PACS1: variants seen among roughly 807,000 people sequenced by gnomAD.
PACS1 encodes the protein PACS-1.
Under a neutral mutation model 115.0 loss-of-function variants are expected in PACS1, and 24 were observed. The observed-to-expected ratio is 0.21, with a 90% CI of 0.15 to 0.29. The LOEUF (loss-of-function observed/expected upper bound fraction) is 0.29. PACS1 is among the 10% of genes least tolerant of loss of function. The pLI is 1.00. For missense variants in PACS1, 838 were observed against 1,251.2 expected (o/e 0.67, Z 4.98); for synonymous variants, 453 against 504.5 (o/e 0.90, Z 1.37).
intron 10 of PACS1, among the ~76,000 whole-genome samples, chr11:66,226,710 A>T (rs1855475714): frequency 6.6e-6 from 1 of 152,128 alleles, no homozygotes; most frequent in African/African-American, 2.4e-5. Flanking sequence ...AGTCATTGGG[A>T]GGAAGTGGGA....
chr11:66,238,934 G>A, intron 20 of PACS1, 88 bp downstream of exon 20: 1 of 1,421,332 alleles, frequency 7.0e-7, no homozygotes, highest in Non-Finnish European at 9.7e-7. Flanking sequence ...GTTAAGCTCT[G>A]GATGCCCTGA....
intron 2 of PACS1, among the ~76,000 whole-genome samples, chr11:66,206,726 G>A (rs936635179): frequency 1.3e-5 from 2 of 152,116 alleles, no homozygotes; most frequent in Non-Finnish European, 2.9e-5. Flanking sequence ...GATTCCCTAC[G>A]GTGGTCACGG....
chr11:66,079,768 G>A (rs903009975), intron 1 of PACS1, among the ~76,000 whole-genome samples: 1 of 152,128 alleles, frequency 6.6e-6, no homozygotes, highest in Non-Finnish European at 1.5e-5. Flanking sequence ...GTAACTTTCC[G>A]TCATACTTAA....
At chr11:66,081,089 T>C (rs1052340991) in intron 1 of PACS1, among the ~76,000 whole-genome samples, 1 of 151,918 alleles carries the variant, frequency 6.6e-6, no homozygotes, top group African/African-American at 2.4e-5. Flanking sequence ...AAAAATTAGC[T>C]GGGCTTGGTG....
chr11:66,108,119 T>C (rs972356218), intron 1 of PACS1, among the ~76,000 whole-genome samples: 2 of 152,170 alleles, frequency 1.3e-5, no homozygotes, highest in Admixed American at 6.5e-5. Context: ...CAAAATACCA[T>C]AGAATGAGTG....
intron 7 of PACS1, chr11:66,218,614 C>G (rs1235068899): frequency 6.6e-6 from 1 of 152,424 alleles, no homozygotes; most frequent in Non-Finnish European, 1.5e-5. Context: ...GTAATCCCAG[C>G]ACTTTGGGAG....
intron 20 of PACS1, 127 bp downstream of exon 20, chr11:66,238,973 A>G (rs1005311283): frequency 1.3e-5 from 18 of 1,354,998 alleles, no homozygotes; most frequent in Non-Finnish European, 1.5e-5. Flanking sequence ...CAGGAAGCCT[A>G]TGGGCGCCCT....
At chr11:66,188,092 G>A (rs1854426915) in intron 1 of PACS1, among the ~76,000 whole-genome samples, 2 of 148,684 alleles carry the variant, frequency 1.3e-5, no homozygotes, top group South Asian at 2.1e-4. Context: ...TTATATGTTC[G>A]TTGGCTATTT....
At chr11:66,087,210 T>TACAAA (rs1412175229) in intron 1 of PACS1, among the ~76,000 whole-genome samples, 1 of 151,674 alleles carries the variant, frequency 6.6e-6, no homozygotes, top group Non-Finnish European at 1.5e-5. Context: ...CTTCACACAG[T>TACAAA]GGATGAAGTA....
intron 8 of PACS1, 137 bp downstream of exon 8, chr11:66,219,942 G>C (rs981225779): frequency 4.1e-6 from 3 of 740,152 alleles, no homozygotes; most frequent in East Asian, 5.2e-5. Flanking sequence ...GGCATACCTG[G>C]TAGAGCCCTA....
At chr11:66,192,490 A>G (rs1018527658) in intron 1 of PACS1, among the ~76,000 whole-genome samples, 37 of 152,344 alleles carry the variant, frequency 2.4e-4, no homozygotes, top group Non-Finnish European at 3.7e-4. Flanking sequence ...CACGGAGCCA[A>G]AGGAAAGTTA....
intron 1 of PACS1, among the ~76,000 whole-genome samples, chr11:66,188,105 A>G (rs1450797143): frequency 2.5e-5 from 3 of 122,164 alleles, no homozygotes; most frequent in Non-Finnish European, 3.5e-5. Flanking sequence ...GGCTATTTGT[A>G]TGTTTTCTTT....
In PACS1 at chr11:66,221,284, G is replaced by T. The variant is rs372036819; in HGVS notation, c.1293+37G>T. The T allele has an allele frequency of 3.7e-5, 58 of 1,567,316 alleles. 1 individual carries two copies. In the South Asian group the frequency reaches 6.1e-4, roughly 16 times the overall value. Reference sequence around the variant, plus strand: ...CGCGACTGCGGGGCGGGGTGGGACCGTGGCATGTCAGGGCTCGACGCTCTG... The same window carrying T: ...CGCGACTGCGGGGCGGGGTGGGACCTTGGCATGTCAGGGCTCGACGCTCTG... On this transcript the variant is annotated intron_variant, in intron 10 of 23. Transcript: ENST00000320580.
intron 1 of PACS1, among the ~76,000 whole-genome samples, chr11:66,163,564 A>T (rs942697094): frequency 1.3e-5 from 2 of 152,132 alleles, no homozygotes; most frequent in Admixed American, 1.3e-4. Flanking sequence ...AGACTTAAAG[A>T]TGCTCATTCA....
chr11:66,232,818 T>C lies in PACS1; in HGVS notation c.1732-142T>C, dbSNP rs515778. 4.5e-3 allele frequency: 3,020 copies of C among 668,702 alleles called. 58 individuals carry two copies. The African/African-American group carries it at 0.047, about 10-fold the overall frequency. 41.4% of individuals were successfully genotyped at this position (668,702 alleles called of 1,614,324 possible). ...CCTCCTTACTGGCAGTCCGGAGACC[T>C]GGCTGCCTTTGCCCAGCTTCGGTCT... On this transcript the variant is annotated intron_variant, in intron 14 of 23. Coordinates refer to ENST00000320580, the MANE Select transcript of PACS1 (RefSeq NM_018026.4).
At chr11:66,187,575 C>T (rs1854412180) in intron 1 of PACS1, among the ~76,000 whole-genome samples, 1 of 152,026 alleles carries the variant, frequency 6.6e-6, no homozygotes, top group African/African-American at 2.4e-5. Flanking sequence ...CTTTCTATTC[C>T]CAGCTTATTT....
Position 66,221,089 on chromosome 11 carries a change from C to G in PACS1, c.1200-65C>G, listed in dbSNP as rs1590829437. 5.5e-6 allele frequency: 8 copies of G among 1,467,828 alleles called. No homozygotes were observed. In the East Asian group the frequency reaches 1.1e-4, roughly 21 times the overall value. The allele number at this position is 1,467,828 out of a possible 1,614,324, so 90.9% of individuals were successfully genotyped here. A position where few individuals can be genotyped will look rare whatever the true frequency, so the allele number is the denominator to read the frequency against. ...ACCCACCCTGAATGCCAGCTCCATTCAACTCTCCCAGCATGCTGTTCTGAG... is the reference window on the plus strand; with the variant it reads ...ACCCACCCTGAATGCCAGCTCCATTGAACTCTCCCAGCATGCTGTTCTGAG... On this transcript the variant is annotated intron_variant, in intron 9 of 23. Coordinates refer to ENST00000320580, the MANE Select transcript of PACS1 (RefSeq NM_018026.4).
intron 7 of PACS1, chr11:66,217,014 G>A (rs1438232738): frequency 1.9e-6 from 1 of 518,068 alleles, no homozygotes; most frequent in African/African-American, 1.9e-5. Flanking sequence ...GAAAAAAGGA[G>A]GAGAACCCTT....
At chr11:66,207,654 T>C (rs1304139601) in intron 2 of PACS1, among the ~76,000 whole-genome samples, 1 of 152,232 alleles carries the variant, frequency 6.6e-6, no homozygotes, top group African/African-American at 2.4e-5. Context: ...GGCCCTGGCC[T>C]GTGTGCGGGC....
Sources: gnomAD v4.1 joint callset for allele counts (sites outside exome capture counted in the v4.1 genomes callset) on GRCh38, gnomAD v4.1.1 for gene constraint, MANE v1.5 for transcripts, NCBI Gene and HGNC (gene_info 2026-07-23, HGNC 2026-07-21) for gene names.